PLEKHA2: variants seen among roughly 807,000 people sequenced by gnomAD.
The protein encoded by PLEKHA2 is pleckstrin homology domain containing A2.
Under a neutral mutation model 53.2 loss-of-function variants are expected in PLEKHA2, and 28 were observed. The observed-to-expected ratio is 0.53, with a 90% CI of 0.39 to 0.72. The LOEUF (loss-of-function observed/expected upper bound fraction) is 0.72. PLEKHA2 is among the 30% of genes least tolerant of loss of function. PLEKHA2 has a pLI of 0.00. For synonymous variants in PLEKHA2, 193 were observed against 196.4 expected (o/e 0.98, Z 0.14); for missense variants, 426 against 537.9 (o/e 0.79, Z 2.06).
intron 2 of PLEKHA2, among the ~76,000 whole-genome samples, chr8:38,930,186 CTTTA>C (rs112146378): frequency 2.0e-5 from 3 of 150,596 alleles, no homozygotes; most frequent in South Asian, 2.1e-4. Flanking sequence ...AACCACCTAT[CTTTA>C]TTTATTTATT....
chr8:38,924,789 G>A (rs868383027), intron 2 of PLEKHA2, among the ~76,000 whole-genome samples: 30 of 152,350 alleles, frequency 2.0e-4, no homozygotes, highest in South Asian at 1.7e-3. Flanking sequence ...AGAACACAGC[G>A]TGGGCCAGGC....
At chr8:38,930,366 T>C (rs966518934) in intron 2 of PLEKHA2, among the ~76,000 whole-genome samples, 1 of 152,064 alleles carries the variant, frequency 6.6e-6, no homozygotes, top group Non-Finnish European at 1.5e-5. Flanking sequence ...TATGCCCGGC[T>C]AATTTTTTAA....
In PLEKHA2 at chr8:38,953,376, G is replaced by A. The variant is rs1368177386; in HGVS notation, c.773+9G>A. 2 of 1,601,324 alleles carry A rather than the reference G, an allele frequency of 1.2e-6. No homozygotes were observed. The highest frequency in any genetic ancestry group is 2.2e-5 in the South Asian group (2 of 90,830). ...TGTCTGGTCAAGTCTGGGTAATTGT[G>A]TCTGCTTTTTCTCTTCTAATCCAAA... On this transcript the variant is annotated intron_variant, in intron 9 of 11. Transcript: ENST00000617275.
chr8:38,935,713 C>T (rs531822895), intron 2 of PLEKHA2, among the ~76,000 whole-genome samples: 1 of 152,276 alleles, frequency 6.6e-6, no homozygotes, highest in Admixed American at 6.5e-5. Flanking sequence ...ACCAGTATGC[C>T]CAGCCTGAGC....
chr8:38,926,915 C>CA (rs1377783106), intron 2 of PLEKHA2, among the ~76,000 whole-genome samples: 3 of 151,706 alleles, frequency 2.0e-5, no homozygotes, highest in Admixed American at 6.6e-5. Flanking sequence ...GACTCCATCT[C>CA]AAAAAAAACC....
intron 2 of PLEKHA2, among the ~76,000 whole-genome samples, chr8:38,919,831 A>G (rs187699071): frequency 1.3e-5 from 2 of 152,336 alleles, no homozygotes; most frequent in Admixed American, 1.3e-4. Context: ...TTTCATTTGA[A>G]GTGCCTAGTA....
chr8:38,945,934 A>G (rs1046197431), intron 4 of PLEKHA2, among the ~76,000 whole-genome samples, 190 bp from the exon 5 acceptor site: 3 of 152,134 alleles, frequency 2.0e-5, no homozygotes, highest in Non-Finnish European at 2.9e-5. Context: ...TGGGAAAGAG[A>G]GTGAGCAGGT....
intron 2 of PLEKHA2, among the ~76,000 whole-genome samples, chr8:38,925,841 C>T (rs924010612): frequency 1.3e-5 from 2 of 152,256 alleles, no homozygotes; most frequent in African/African-American, 4.8e-5. Flanking sequence ...TTTAAAAAAA[C>T]GTGAAATTTT....
intron 5 of PLEKHA2, among the ~76,000 whole-genome samples, chr8:38,946,905 T>C (rs1037210955): frequency 6.6e-6 from 1 of 152,220 alleles, no homozygotes; most frequent in Non-Finnish European, 1.5e-5. Context: ...TCATGGCTTC[T>C]TTGCTGAAAA....
rs1364588460 is a variant in PLEKHA2 at position 38,969,790 on chromosome 8, A to C, written c.*7A>C. On this transcript the variant is annotated 3_prime_UTR_variant, in exon 12 of 12. Transcript: ENST00000617275. ...ACGGACCTCTGATGTGTGATGGAGC[A>C]CAGTGCCATGGGAGGGAGGGAGGGA... 1 of 1,133,284 alleles carries C rather than the reference A, an allele frequency of 8.8e-7. No homozygotes were observed. The highest frequency in any genetic ancestry group is 1.6e-5 in the African/African-American group (1 of 62,318). 70.2% of individuals were successfully genotyped at this position (1,133,284 alleles called of 1,614,324 possible). A position where few individuals can be genotyped will look rare whatever the true frequency, so the allele number is the denominator to read the frequency against.
At chr8:38,942,853 C>A (rs1221257525) in intron 3 of PLEKHA2, among the ~76,000 whole-genome samples, 1 of 152,142 alleles carries the variant, frequency 6.6e-6, no homozygotes. Flanking sequence ...TATAGAAATA[C>A]CTCCTCTGTT....
intron 5 of PLEKHA2, among the ~76,000 whole-genome samples, chr8:38,949,447 C>A (rs1276735221): frequency 6.6e-6 from 1 of 152,196 alleles, no homozygotes; most frequent in Non-Finnish European, 1.5e-5. Context: ...AGCTGAAAAT[C>A]TGGATTTTTC....
intron 1 of PLEKHA2, among the ~76,000 whole-genome samples, chr8:38,903,538 G>T (rs1307794629): frequency 1.3e-5 from 2 of 152,148 alleles, no homozygotes; most frequent in Non-Finnish European, 2.9e-5. Context: ...TTTGGTTGGT[G>T]CAGGTTTTTG....
chr8:38,937,351 C>T (rs1242398248), intron 3 of PLEKHA2, among the ~76,000 whole-genome samples: 1 of 152,186 alleles, frequency 6.6e-6, no homozygotes, highest in Non-Finnish European at 1.5e-5. Flanking sequence ...TGCCCGCCCT[C>T]CCTGGCTTGT....
chr8:38,902,619 T>G (rs917913455), intron 1 of PLEKHA2, among the ~76,000 whole-genome samples: 3 of 152,214 alleles, frequency 2.0e-5, no homozygotes, highest in Non-Finnish European at 2.9e-5. Context: ...TTAATCTATC[T>G]GACCAAGTCC....
intron 2 of PLEKHA2, among the ~76,000 whole-genome samples, chr8:38,934,268 A>T (rs2129418749): frequency 6.6e-6 from 1 of 152,262 alleles, no homozygotes; most frequent in Non-Finnish European, 1.5e-5. Context: ...CTGAGATTAC[A>T]GGTGTGAGCC....
rs1834217409 is a variant in PLEKHA2 at position 38,922,876 on chromosome 8, G to A, written c.141+4806G>A. Among the ~76,000 whole-genome samples, 1 of 152,184 alleles carries A rather than the reference G, an allele frequency of 6.6e-6. No homozygotes were observed. Among genetic ancestry groups the A allele is most frequent in the South Asian group, 2.1e-4 (1 of 4,834 alleles). ...GCTCATGGTTGTGCAGGTGGTAAATGCAGCGCTGGAGCCAGGTCCATCGAC... is the reference window on the plus strand; with the variant it reads ...GCTCATGGTTGTGCAGGTGGTAAATACAGCGCTGGAGCCAGGTCCATCGAC... On this transcript the variant is annotated intron_variant, in intron 2 of 11. Transcript: ENST00000617275. The surrounding 1 kb of genome is among the most constrained non-coding windows in gnomAD (Gnocchi z 4.0).
At chr8:38,930,859 C>T (rs1429320816) in intron 2 of PLEKHA2, among the ~76,000 whole-genome samples, 2 of 152,206 alleles carry the variant, frequency 1.3e-5, no homozygotes, top group African/African-American at 4.8e-5. Context: ...GTGCCTACAG[C>T]CATGACCTCC....
chr8:38,903,936 C>A (rs1335271627), intron 1 of PLEKHA2, among the ~76,000 whole-genome samples: 2 of 152,146 alleles, frequency 1.3e-5, no homozygotes, highest in African/African-American at 4.8e-5. Flanking sequence ...TTCCGTTTTC[C>A]ATCTGTCTCA....
Sources: allele counts gnomAD v4.1 joint callset (sites outside exome capture counted in the v4.1 genomes callset), GRCh38; gene constraint gnomAD v4.1.1; non-coding constraint Gnocchi (gnomAD v3.1); transcripts MANE v1.5; gene names NCBI Gene and HGNC (gene_info 2026-07-23, HGNC 2026-07-21).